Variants in MAP4K1 observed in about 807,000 individuals in gnomAD.
MAP4K1 encodes MAPK/ERK kinase kinase kinase 1.
A neutral mutation model predicts 122.8 loss-of-function variants in MAP4K1; 35 were observed. That is an observed-to-expected ratio of 0.29 (90% CI 0.22 to 0.38). The LOEUF (loss-of-function observed/expected upper bound fraction) is 0.38. MAP4K1 is among the 10% of genes least tolerant of loss of function. The pLI is 1.00. For synonymous variants in MAP4K1, 412 were observed against 421.3 expected (o/e 0.98, Z 0.27); for missense variants, 791 against 1,072.6 (o/e 0.74, Z 3.67).
rs767806958 is a variant in MAP4K1, at chr19:38,596,959, T to C, written c.1941+75A>G. 1.7e-4 allele frequency: 232 copies of C among 1,399,742 alleles called. 1 individual carries two copies. The highest frequency in any genetic ancestry group is 2.2e-4 in the Non-Finnish European group (219 of 986,518). The allele number at this position is 1,399,742 out of a possible 1,614,324, so 86.7% of individuals were successfully genotyped here. On this transcript the variant is annotated intron_variant, in intron 25 of 30. Transcript: ENST00000396857. ...CGGAGGTGGGGCTTCATGGAGCTCT[T>C]GATAGAAGCGCAAAGGGTGCAAGGC...
chr19:38,609,434 C>T (rs745528717), intron 13 of MAP4K1, among the ~76,000 whole-genome samples, 162 bp downstream of exon 13: 2 of 152,136 alleles, frequency 1.3e-5, no homozygotes, highest in African/African-American at 2.4e-5. Context: ...CACGCCTGGC[C>T]TCTACGGTCA....
chr19:38,599,968 A>G lies in MAP4K1; in HGVS notation c.1626T>C (p.Thr542=), dbSNP rs1427980801. 3.1e-6 allele frequency: 5 copies of G among 1,614,086 alleles called. No individual in the cohort carries two copies. Among genetic ancestry groups the G allele is most frequent in the African/African-American group, 1.3e-5 (1 of 74,934 alleles). The stretch of plus-strand genomic sequence containing the variant: ...CGTTGTTGATGGAGTACACCCACGT[A>G]GTCCGGCTAGGAAAGAGCTGCAGGG... ...ATLEMLFPSR[T]TWVYSINNVL... The change falls in exon 22 of 31, where the codon ACT becomes ACC. Residue 542 remains threonine (T), a synonymous_variant. Coordinates refer to ENST00000396857, the MANE Select transcript of MAP4K1 (RefSeq NM_001042600.3).
chr19:38,614,735 A>G (rs930605641), intron 4 of MAP4K1: 5 of 447,326 alleles, frequency 1.1e-5, no homozygotes, highest in African/African-American at 1.0e-4. Context: ...AGCCTGGCCA[A>G]CATGGTGAAA....
chr19:38,593,291 C>T lies in MAP4K1; in HGVS notation c.2387G>A (p.Gly796Asp). 6.2e-7 allele frequency: 1 copy of T among 1,611,928 alleles called. No homozygotes were observed. The highest frequency in any genetic ancestry group is 1.1e-5 in the South Asian group (1 of 90,762). ...RDPTLTFRLL[G>D]SPRPVVVETR... ...CCACCCCACAACATACCTGGGGGAG[C>T]CAAGCAGACGGAAAGTGAGGGTAGG... Residue 796 changes from glycine (G) to aspartate (D), a missense_variant, in exon 30 of 31, where the codon GGC (glycine) becomes GAC (aspartate). Physicochemically the swap from Gly to Asp is moderately conservative, Grantham distance 94 (BLOSUM62 -1). Transcript: ENST00000396857.
chr19:38,603,556 G>C (rs62120355), intron 19 of MAP4K1, among the ~76,000 whole-genome samples: 1 of 151,864 alleles, frequency 6.6e-6, no homozygotes, highest in African/African-American at 2.4e-5. Context: ...ACTTTTAGCC[G>C]GTAGCCAACC....
At chr19:38,602,822 GTACATATATACGCATA>G (rs1337167861) in intron 19 of MAP4K1, among the ~76,000 whole-genome samples, 3 of 125,336 alleles carry the variant, frequency 2.4e-5, no homozygotes, top group Admixed American at 8.1e-5. Context: ...ATATACACAT[GTACATATATACGCATA>G]TACATATATA....
chr19:38,599,284 G>T lies in MAP4K1; in HGVS notation c.1669+641C>A, dbSNP rs555389348. 2.4e-4 allele frequency among the ~76,000 whole-genome samples: 35 copies of T among 146,974 alleles called. No homozygotes were observed. The South Asian group carries it at 3.0e-3, about 13-fold the overall frequency. On this transcript the variant is annotated intron_variant, in intron 22 of 30. Coordinates refer to ENST00000396857, the MANE Select transcript of MAP4K1 (RefSeq NM_001042600.3). ...AATTGCTTGAACCCAGGAAGTAGAG[G>T]TTGCAGTTAGCCAAGATCACGCCCC...
chr19:38,617,534 G>C lies in MAP4K1; in HGVS notation c.157+34C>G. The C allele has an allele frequency of 1.2e-6, 2 of 1,613,424 alleles. No individual in the cohort carries two copies. The highest frequency in any genetic ancestry group is 8.5e-7 in the Non-Finnish European group (1 of 1,179,378). On this transcript the variant is annotated intron_variant, in intron 2 of 30. Transcript: ENST00000396857. This position sits in a 1 kb window ranked among gnomAD's most constrained non-coding sequence, Gnocchi z 4.1. ...CAGTGTCCCAGGAGGCGAAGGTGGG[G>C]ATGTGGGGAAGGAGCTCCATGTTCC...
chr19:38,605,567 C>T lies in MAP4K1; in HGVS notation c.1363+1G>A, dbSNP rs1568634672. 7.0e-7 allele frequency: 1 copy of T among 1,431,354 alleles called. No individual in the cohort carries two copies. The highest frequency in any genetic ancestry group is 9.3e-7 in the Non-Finnish European group (1 of 1,070,800). The allele number at this position is 1,431,354 out of a possible 1,614,324, so 88.7% of individuals were successfully genotyped here. Reference sequence around the variant, plus strand: ...CCCTCCACCCTAGCCTGTCCCATTACCTGAATGGGCGGTGAGGTGGGGGCT... The same window carrying T: ...CCCTCCACCCTAGCCTGTCCCATTATCTGAATGGGCGGTGAGGTGGGGGCT... On this transcript the variant is annotated splice_donor_variant, in intron 18 of 30. Coordinates refer to ENST00000396857, the MANE Select transcript of MAP4K1 (RefSeq NM_001042600.3). LOFTEE classifies it high-confidence loss of function.
rs11882735 is a variant in MAP4K1 at position 38,591,928 on chromosome 19, G to A, written c.2396+1354C>T. ...GGAGGTTGTGGTGAGCTGAAATCAC[G>A]CCACCGCATTCCAGGCTGGGCAACA... is the stretch of plus-strand genomic sequence containing the variant. On this transcript the variant is annotated intron_variant, in intron 30 of 30. Coordinates refer to ENST00000396857, the MANE Select transcript of MAP4K1 (RefSeq NM_001042600.3). Among the ~76,000 whole-genome samples the A allele has an allele frequency of 5.4e-3, 791 of 146,898 alleles. 6 individuals carry two copies. Among genetic ancestry groups the A allele is most frequent in the African/African-American group, 0.015 (599 of 39,266 alleles).
At position 38,617,520 on chromosome 19, in the gene MAP4K1, G is replaced by T. The variant is rs1312737394; in HGVS notation, c.157+48C>A. On this transcript the variant is annotated intron_variant, in intron 2 of 30. Transcript: ENST00000396857. The surrounding 1 kb of genome is among the most constrained non-coding windows in gnomAD (Gnocchi z 4.1). ...AGGGGAGGTGATCCCAGTGTCCCAGGAGGCGAAGGTGGGGATGTGGGGAAG... is the reference window on the plus strand; with the variant it reads ...AGGGGAGGTGATCCCAGTGTCCCAGTAGGCGAAGGTGGGGATGTGGGGAAG... 6.2e-7 allele frequency: 1 copy of T among 1,611,938 alleles called. No homozygotes were observed. Among genetic ancestry groups the T allele is most frequent in the South Asian group, 1.1e-5 (1 of 91,002 alleles).
At chr19:38,601,787 GT>G (rs1001364338) in intron 19 of MAP4K1, 6 of 432,640 alleles carry the variant, frequency 1.4e-5, no homozygotes, top group South Asian at 2.5e-5. Context: ...ATCAGCATTT[GT>G]TTTTTTTAAG....
chr19:38,601,683 T>C, intron 19 of MAP4K1, 158 bp from the exon 20 acceptor site: 1 of 580,124 alleles, frequency 1.7e-6, no homozygotes. Flanking sequence ...AATACACTTT[T>C]TCATACATTG....
chr19:38,606,266 C>A, intron 16 of MAP4K1, 51 bp from the exon 17 acceptor site: 2 of 902,560 alleles, frequency 2.2e-6, no homozygotes, highest in Non-Finnish European at 3.4e-6. Context: ...AACAAGGACT[C>A]GGGGAAGATG....
rs1468622925 is a variant in MAP4K1, at chr19:38,605,844, A to ACC, written c.1201-116_1201-115dup. 5 of 943,722 alleles carry ACC rather than the reference A, an allele frequency of 5.3e-6. No homozygotes were observed. The African/African-American group carries it at 7.7e-5, about 14-fold the overall frequency. 58.5% of individuals were successfully genotyped at this position (943,722 alleles called of 1,614,324 possible). A position where few individuals can be genotyped will look rare whatever the true frequency, so the allele number is the denominator to read the frequency against. ...GAACTAACAGCTGTGGCTCTGACCC[A>ACC]CCCCCCCGACAACATCTTGTGCCCC... On this transcript the variant is annotated intron_variant, in intron 17 of 30. Coordinates refer to ENST00000396857, the MANE Select transcript of MAP4K1 (RefSeq NM_001042600.3).
Position 38,614,381 on chromosome 19 carries a change from T to C in MAP4K1, c.369+9A>G, listed in dbSNP as rs199947076. ...CTCCCATCCCCAGAATCCCCAGGCC[T>C]CTCCTTACCTGGAGCACTTCCCGGC... On this transcript the variant is annotated intron_variant, in intron 5 of 30. Coordinates refer to ENST00000396857, the MANE Select transcript of MAP4K1 (RefSeq NM_001042600.3). The C allele has an allele frequency of 3.3e-5, 53 of 1,612,080 alleles. No individual in the cohort carries two copies. Among genetic ancestry groups the C allele is most frequent in the Non-Finnish European group, 2.0e-5 (23 of 1,178,288 alleles).
At chr19:38,602,318 G>A (rs548761606) in intron 19 of MAP4K1, among the ~76,000 whole-genome samples, 16 of 151,904 alleles carry the variant, frequency 1.1e-4, no homozygotes, top group East Asian at 3.9e-4. Flanking sequence ...CAGGTGATGC[G>A]TCTGCCTTGG....
intron 30 of MAP4K1, 133 bp downstream of exon 30, chr19:38,593,149 G>T: frequency 2.7e-6 from 2 of 731,400 alleles, no homozygotes; most frequent in Non-Finnish European, 4.3e-6. Context: ...ACTCTAGGGA[G>T]CAGGGATGGA....
intron 7 of MAP4K1, 34 bp downstream of exon 7, chr19:38,614,009 T>TCAGC: frequency 6.3e-7 from 1 of 1,595,496 alleles, no homozygotes; most frequent in Non-Finnish European, 8.6e-7. Context: ...GGCCCCCCAG[T>TCAGC]CAGCCCCCCT....
Sources: allele counts gnomAD v4.1 joint callset (sites outside exome capture counted in the v4.1 genomes callset), GRCh38; gene constraint gnomAD v4.1.1; non-coding constraint Gnocchi (gnomAD v3.1); transcripts MANE v1.5; gene names NCBI Gene and HGNC (gene_info 2026-07-23, HGNC 2026-07-21).